Variants in ZFAND3 observed in about 807,000 individuals in gnomAD.
ZFAND3 encodes AN1-type zinc finger protein 3.
ZFAND3 carries 10 observed loss-of-function variants against 29.6 expected under a neutral mutation model. The observed-to-expected ratio is 0.34, with a 90% CI of 0.21 to 0.57. The LOEUF (loss-of-function observed/expected upper bound fraction) is 0.57. Among genes scored for constraint, ZFAND3 ranks in the 20% least tolerant of loss-of-function variants. ZFAND3 has a pLI of 0.86. For missense variants in ZFAND3, 230 were observed against 304.5 expected (o/e 0.76, Z 1.82); for synonymous variants, 128 against 112.6 (o/e 1.14, Z -0.87).
chr6:38,073,264 G>A (rs1363910298), intron 3 of ZFAND3, among the ~76,000 whole-genome samples: 1 of 151,122 alleles, frequency 6.6e-6, no homozygotes, highest in Non-Finnish European at 1.5e-5. Context: ...TAAGGAAAGT[G>A]TTGCAGCCTT....
At chr6:38,045,447 C>T (rs79693237) in intron 2 of ZFAND3, among the ~76,000 whole-genome samples, 2,314 of 152,108 alleles carry the variant, frequency 0.015, 45 homozygotes, top group Non-Finnish European at 0.023. Context: ...CATTCTTTGC[C>T]TTGAAAGATA....
At chr6:38,146,069 A>C (rs1047404156) in intron 5 of ZFAND3, among the ~76,000 whole-genome samples, 6 of 152,212 alleles carry the variant, frequency 3.9e-5, no homozygotes, top group Non-Finnish European at 1.5e-5. Context: ...GCCAAGCCAC[A>C]GGCTTGGGCG....
rs145820394 is a variant in ZFAND3, at chr6:38,063,411, G to A, written c.295+1636G>A. Among the ~76,000 whole-genome samples the A allele has an allele frequency of 9.9e-5, 15 of 152,282 alleles. No individual in the cohort carries two copies. In the East Asian group the frequency reaches 2.7e-3, roughly 27 times the overall value. On this transcript the variant is annotated intron_variant, in intron 3 of 5. Coordinates refer to ENST00000287218, the MANE Select transcript of ZFAND3 (RefSeq NM_021943.3). The stretch of plus-strand genomic sequence containing the variant: ...CTGGAGACCAGGAATGCTGCTAAAT[G>A]TCCTGCATCACATAGGACAGTCCTC...
At chr6:38,057,983 G>T (rs1411840790) in intron 2 of ZFAND3, among the ~76,000 whole-genome samples, 1 of 152,108 alleles carries the variant, frequency 6.6e-6, no homozygotes, top group Non-Finnish European at 1.5e-5. Flanking sequence ...GAAGGAGTAT[G>T]GGTTAAAAGA....
At chr6:38,019,052 T>A (rs756536011) in intron 2 of ZFAND3, among the ~76,000 whole-genome samples, 1 of 152,086 alleles carries the variant, frequency 6.6e-6, no homozygotes, top group African/African-American at 2.4e-5. Flanking sequence ...AACCTCCACC[T>A]CCTGGGTTCA....
At chr6:37,828,886 G>A (rs1186848426) in intron 1 of ZFAND3, among the ~76,000 whole-genome samples, 2 of 152,096 alleles carry the variant, frequency 1.3e-5, no homozygotes, top group East Asian at 1.9e-4. Flanking sequence ...TCCTTACCTC[G>A]TGATCCGCCC....
intron 1 of ZFAND3, among the ~76,000 whole-genome samples, chr6:37,837,506 CT>C (rs34162951): frequency 4.3e-3 from 594 of 139,156 alleles, no homozygotes; most frequent in Non-Finnish European, 4.0e-3. Flanking sequence ...ATAGATAGTC[CT>C]TTTTTTTTTT....
chr6:37,834,855 A>AC (rs1763938367), intron 1 of ZFAND3, among the ~76,000 whole-genome samples: 2 of 13,142 alleles, frequency 1.5e-4, no homozygotes. Flanking sequence ...TGTATGTTTC[A>AC]AAAAAAAAAA....
chr6:37,881,305 C>T (rs1764890901), intron 1 of ZFAND3, among the ~76,000 whole-genome samples: 4 of 152,260 alleles, frequency 2.6e-5, no homozygotes, highest in African/African-American at 2.4e-5. Context: ...AGCCTGGTCT[C>T]GAACTCCTGG....
At chr6:37,986,692 T>C (rs1762676591) in intron 2 of ZFAND3, among the ~76,000 whole-genome samples, 3 of 152,224 alleles carry the variant, frequency 2.0e-5, no homozygotes, top group African/African-American at 7.2e-5. Context: ...GTCTTCTTTC[T>C]CTATTTAGGA....
rs981878710 is a variant in ZFAND3, at chr6:37,968,858, AGTGT to A, written c.112+38862_112+38865del. Among the ~76,000 whole-genome samples, 14 of 152,166 alleles carry A rather than the reference AGTGT, an allele frequency of 9.2e-5. 1 individual carries two copies. The highest frequency in any genetic ancestry group is 3.9e-4 in the Admixed American group (6 of 15,272). The stretch of plus-strand genomic sequence containing the variant: ...TGACCCTGTGTTTTTGAAACACCCG[AGTGT>A]GTCCAGTAATCTGCGAACATTATGA... On this transcript the variant is annotated intron_variant, in intron 2 of 5. Transcript: ENST00000287218.
intron 2 of ZFAND3, among the ~76,000 whole-genome samples, chr6:37,996,444 A>G (rs889572248): frequency 2.6e-5 from 4 of 152,228 alleles, no homozygotes; most frequent in Non-Finnish European, 5.9e-5. Flanking sequence ...ACCATCCCAC[A>G]GTTAACAGAA....
At chr6:37,971,978 AAAAAT>A (rs753109857) in intron 2 of ZFAND3, among the ~76,000 whole-genome samples, 12 of 152,220 alleles carry the variant, frequency 7.9e-5, no homozygotes, top group South Asian at 2.1e-4. Context: ...CTGTCTCAAA[AAAAAT>A]AAAATAAAAT....
At chr6:37,971,668 C>G (rs1561951690) in intron 2 of ZFAND3, among the ~76,000 whole-genome samples, 1 of 152,028 alleles carries the variant, frequency 6.6e-6, no homozygotes, top group Non-Finnish European at 1.5e-5. Flanking sequence ...CAGATTCTTT[C>G]CATTGATATA....
In ZFAND3 at chr6:37,988,853, T is replaced by G. The variant is rs534824571; in HGVS notation, c.112+58854T>G. On this transcript the variant is annotated intron_variant, in intron 2 of 5. Coordinates refer to ENST00000287218, the MANE Select transcript of ZFAND3 (RefSeq NM_021943.3). ...GAGAGCAGCTTCCTGAGTGGTGTGC[T>G]TGTTCGCATGTTTTTTTAAGGGTCT... 3.9e-5 allele frequency among the ~76,000 whole-genome samples: 6 copies of G among 152,308 alleles called. No individual in the cohort carries two copies. In the East Asian group the frequency reaches 1.2e-3, roughly 29 times the overall value.
intron 5 of ZFAND3, among the ~76,000 whole-genome samples, chr6:38,146,665 C>T (rs1766114307): frequency 6.6e-6 from 1 of 152,148 alleles, no homozygotes; most frequent in Admixed American, 6.5e-5. Flanking sequence ...GGGGAAAGGG[C>T]TAAGGTTAAA....
At chr6:38,135,324 T>C (rs1235669175) in intron 5 of ZFAND3, among the ~76,000 whole-genome samples, 2 of 152,228 alleles carry the variant, frequency 1.3e-5, no homozygotes, top group African/African-American at 4.8e-5. Context: ...CTATAGTTCA[T>C]TGGAGAAGTG....
intron 2 of ZFAND3, among the ~76,000 whole-genome samples, chr6:37,931,849 A>G (rs571969404): frequency 7.6e-4 from 116 of 152,342 alleles, no homozygotes; most frequent in African/African-American, 2.6e-3. Flanking sequence ...TAGATGGGAA[A>G]GAATTGGGGA....
chr6:37,834,733 T>A (rs1763932297), intron 1 of ZFAND3, among the ~76,000 whole-genome samples: 1 of 146,000 alleles, frequency 6.8e-6, no homozygotes, highest in Non-Finnish European at 1.5e-5. Context: ...TATGCTCATA[T>A]GCATATATCA....
Sources: gnomAD v4.1 joint callset for allele counts (sites outside exome capture counted in the v4.1 genomes callset) on GRCh38, gnomAD v4.1.1 for gene constraint, MANE v1.5 for transcripts, NCBI Gene and HGNC (gene_info 2026-07-23, HGNC 2026-07-21) for gene names.